Variants in CYP2B6 observed in about 807,000 individuals in gnomAD.
CYP2B6 encodes cytochrome P450 2B6.
CYP2B6 carries 35 observed loss-of-function variants against 43.4 expected under a neutral mutation model. The observed-to-expected ratio is 0.81, with a 90% confidence interval of 0.62 to 1.07. CYP2B6 has a LOEUF of 1.07. CYP2B6 is among the 50% of genes least tolerant of loss of function. The pLI, the probability that CYP2B6 is intolerant of heterozygous loss-of-function variation, is 0.00. For missense variants in CYP2B6, 624 were observed against 632.8 expected (o/e 0.99, Z 0.15); for synonymous variants, 239 against 239.2 (o/e 1.00, Z 0.01).
intron 8 of CYP2B6, among the ~76,000 whole-genome samples, chr19:41,016,399 CAAA>C (rs869180190): frequency 2.6e-4 from 20 of 76,844 alleles, no homozygotes; most frequent in East Asian, 5.3e-4. Context: ...GACTCCATCT[CAAA>C]AAAAAAAAAA....
At chr19:41,014,424 G>GC (rs2144678952) in intron 8 of CYP2B6, among the ~76,000 whole-genome samples, 1 of 151,974 alleles carries the variant, frequency 6.6e-6, no homozygotes, top group Admixed American at 6.6e-5. Flanking sequence ...TCCTGCCTCA[G>GC]CCTCCCGAGT....
chr19:41,004,980 G>A (rs1969153850), intron 3 of CYP2B6, among the ~76,000 whole-genome samples: 1 of 152,090 alleles, frequency 6.6e-6, no homozygotes, highest in African/African-American at 2.4e-5. Context: ...CTGGACAACA[G>A]AGCAAGATCC....
intron 1 of CYP2B6, among the ~76,000 whole-genome samples, chr19:40,998,324 G>A (rs1297313622): frequency 6.6e-6 from 1 of 152,068 alleles, no homozygotes; most frequent in Admixed American, 6.5e-5. Context: ...CTTTATGAAA[G>A]CTGGTATGGT....
At position 41,002,088 on chromosome 19, in the gene CYP2B6, G is replaced by T. The variant is rs35333063; in HGVS notation, c.172-1913G>T. On this transcript the variant is annotated intron_variant, in intron 1 of 8. Coordinates refer to ENST00000324071, the MANE Select transcript of CYP2B6 (RefSeq NM_000767.5). ...GAGGAGAAGTCAGAGCGGTAATAGG[G>T]CCACGTCATGTAGGACCATGTGAAC... 4.5e-3 allele frequency among the ~76,000 whole-genome samples: 681 copies of T among 152,180 alleles called. 8 individuals carry two copies. Among genetic ancestry groups the T allele is most frequent in the African/African-American group, 0.015 (642 of 41,472 alleles).
At chr19:40,994,965 C>G (rs978263876) in intron 1 of CYP2B6, among the ~76,000 whole-genome samples, 60 of 152,076 alleles carry the variant, frequency 3.9e-4, no homozygotes, top group African/African-American at 1.2e-3. Context: ...CATGAAGAGG[C>G]ATTGGCACCA....
intron 1 of CYP2B6, 97 bp from the exon 2 acceptor site, chr19:41,003,904 G>T (rs1287590853): frequency 2.0e-6 from 3 of 1,515,736 alleles, no homozygotes; most frequent in Middle Eastern, 2.3e-4. Context: ...TGTTGGGGAG[G>T]GGCTAATTAC....
chr19:40,991,583 C>G (rs753249744), intron 1 of CYP2B6, 107 bp downstream of exon 1: 2 of 1,239,286 alleles, frequency 1.6e-6, no homozygotes, highest in Non-Finnish European at 2.4e-6. Context: ...AGGGGTGGCA[C>G]GGGCATGGTT....
rs779388845 is a variant in CYP2B6, at chr19:41,016,596, A to G, written c.1295-50A>G. On this transcript the variant is annotated intron_variant, in intron 8 of 8. Transcript: ENST00000324071. ...TGGGCTTAGGGACATGGCAGAGCGA[A>G]GTGTATGCACCTGCCCTGTGCCCAC... 4.4e-6 allele frequency: 7 copies of G among 1,598,086 alleles called. No homozygotes were observed. In the East Asian group the frequency reaches 1.6e-4, roughly 36 times the overall value.
chr19:41,012,469 G>A lies in CYP2B6; in HGVS notation c.1136G>A (p.Gly379Glu). The A allele has an allele frequency of 6.2e-7, 1 of 1,614,040 alleles. No homozygotes were observed. Among genetic ancestry groups the A allele is most frequent in the Non-Finnish European group, 8.5e-7 (1 of 1,180,016 alleles). Residue 379 changes from glycine (G) to glutamate (E), a missense_variant, in exon 7 of 9, where the codon GGG becomes GAG. Transcript: ENST00000324071. ...HIVTQHTSFRGYIIPKDTEVF... is the reference protein window; with the variant it reads ...HIVTQHTSFREYIIPKDTEVF... Reference sequence around the variant, plus strand: ...GTCACCCAACACACCAGCTTCCGAGGGTACATCATCCCCAAGGTAAGACCG... The same window carrying A: ...GTCACCCAACACACCAGCTTCCGAGAGTACATCATCCCCAAGGTAAGACCG...
rs755839000 is a variant in CYP2B6 at position 41,004,005 on chromosome 19, G to A, written c.176G>A (p.Arg59Gln). The A allele has an allele frequency of 1.4e-5, 22 of 1,613,430 alleles. No homozygotes were observed. Among genetic ancestry groups the A allele is most frequent in the Middle Eastern group, 1.7e-4 (1 of 6,050 alleles). The change falls in exon 2 of 9, where the codon CGA (arginine) becomes CAA (glutamine). Residue 59 changes from arginine (R) to glutamine (Q), a missense_variant. Transcript: ENST00000324071. ...RGLLKSFLRF[R>Q]EKYGDVFTVH... ...TGGTGTGGATGTGATTGGCAGTTCC[G>A]AGAGAAATATGGGGACGTCTTCACG...
chr19:41,005,502 T>C (rs141553083), intron 3 of CYP2B6, among the ~76,000 whole-genome samples: 9,080 of 151,028 alleles, frequency 0.06, 946 homozygotes, highest in African/African-American at 0.21. Flanking sequence ...AAAATATAGG[T>C]TGGGTATGGG....
In CYP2B6 at chr19:40,992,201, C is replaced by CAAAAAAAAAAAAAAAAAAAAAAAAA. The variant is rs561830421; in HGVS notation, c.171+745_171+746insAAAAAAAAAAAAAAAAAAAAAAAAA. Among the ~76,000 whole-genome samples the CAAAAAAAAAAAAAAAAAAAAAAAAA allele has an allele frequency of 1.8e-3, 115 of 62,566 alleles. 4 individuals are homozygous for CAAAAAAAAAAAAAAAAAAAAAAAAA. The highest frequency in any genetic ancestry group is 5.7e-3 in the African/African-American group (104 of 18,376). The allele number at this position is 62,566 out of a possible 152,430, so 41.0% of individuals were successfully genotyped here. On this transcript the variant is annotated intron_variant, in intron 1 of 8. Transcript: ENST00000324071. ...TGGGTGACAGAGTGAGACTCCTTCTCAAAAAAAAAAAAAAAAAAAAGAATA... is the reference window on the plus strand; with the variant it reads ...TGGGTGACAGAGTGAGACTCCTTCTCAAAAAAAAAAAAAAAAAAAAAAAAAAAAAAAAAAAAAAAAAAAAAGAATA...
At chr19:41,009,150 G>A (rs1283556237) in intron 4 of CYP2B6, 69 bp from the exon 5 acceptor site, 1 of 1,342,882 alleles carries the variant, frequency 7.4e-7, no homozygotes, top group Non-Finnish European at 1.1e-6. Flanking sequence ...TGGGGCCCAG[G>A]AGGCGCTCTC....
In CYP2B6 at chr19:41,007,200, G is replaced by A. The variant is rs1020935000; in HGVS notation, c.645+135G>A. ...AGAAACGCAGACATGTGAAGAATCA[G>A]GGACATGGAGACCTGGAGGGAGGAG... On this transcript the variant is annotated intron_variant, in intron 4 of 8. Transcript: ENST00000324071. The A allele has an allele frequency of 5.3e-5, 46 of 873,200 alleles. No homozygotes were observed. In the Admixed American group the frequency reaches 8.9e-4, roughly 17 times the overall value. The allele number at this position is 873,200 out of a possible 1,614,324, so 54.1% of individuals were successfully genotyped here. A position where few individuals can be genotyped will look rare whatever the true frequency, so the allele number is the denominator to read the frequency against.
intron 6 of CYP2B6, among the ~76,000 whole-genome samples, chr19:41,010,464 A>G (rs1291359727): frequency 6.8e-6 from 1 of 146,462 alleles, no homozygotes; most frequent in Non-Finnish European, 1.5e-5. Flanking sequence ...CCCAGGCTGG[A>G]GTGCAGTGGC....
intron 1 of CYP2B6, among the ~76,000 whole-genome samples, chr19:40,992,364 T>A (rs2144654920): frequency 6.6e-6 from 1 of 152,226 alleles, no homozygotes; most frequent in African/African-American, 2.4e-5. Flanking sequence ...ATTACTTCTG[T>A]CACCATCATA....
rs955592371 is a variant in CYP2B6, at chr19:41,000,904, T to G, written c.172-3097T>G. ...AAAACACAAAACTAGCTGGGCATGG[T>G]GGCACATGTCTGTAATCCCAGCTAC... is the stretch of plus-strand genomic sequence containing the variant. On this transcript the variant is annotated intron_variant, in intron 1 of 8. Coordinates refer to ENST00000324071, the MANE Select transcript of CYP2B6 (RefSeq NM_000767.5). 2.0e-5 allele frequency among the ~76,000 whole-genome samples: 3 copies of G among 152,032 alleles called. 1 individual carries two copies. Among genetic ancestry groups the G allele is most frequent in the African/African-American group, 7.3e-5 (3 of 41,354 alleles).
intron 1 of CYP2B6, among the ~76,000 whole-genome samples, chr19:41,001,941 G>GT (rs59423078): frequency 0.65 from 97,803 of 150,882 alleles, 32,419 homozygotes; most frequent in African/African-American, 0.76. Flanking sequence ...AGACTGTCTT[G>GT]TTTTTTTTTC....
At chr19:41,005,745 C>T (rs1241987567) in intron 3 of CYP2B6, among the ~76,000 whole-genome samples, 1 of 151,676 alleles carries the variant, frequency 6.6e-6, no homozygotes, top group African/African-American at 2.4e-5. Flanking sequence ...CACACTACTG[C>T]ACTCCAGTCT....
Sources: gnomAD v4.1 joint callset for allele counts (sites outside exome capture counted in the v4.1 genomes callset) on GRCh38, gnomAD v4.1.1 for gene constraint, MANE v1.5 for transcripts, NCBI Gene and HGNC (gene_info 2026-07-23, HGNC 2026-07-21) for gene names.